Variants in INPP4B observed in about 807,000 individuals in gnomAD.
The protein encoded by INPP4B is inositol polyphosphate-4-phosphatase type II B.
In INPP4B, 55 loss-of-function variants were observed where a neutral mutation model predicts 122.5. The ratio of observed to expected loss-of-function variants is 0.45; its 90% CI spans 0.36 to 0.56. The LOEUF (loss-of-function observed/expected upper bound fraction) is 0.56. Ranked by LOEUF, INPP4B falls within the 20% of genes least tolerant of loss-of-function variation. The pLI, the probability that INPP4B is intolerant of heterozygous loss-of-function variation, is 0.00. For synonymous variants in INPP4B, 403 were observed against 388.7 expected, an observed-to-expected ratio of 1.04 and a Z score of -0.43; for missense variants, 1,000 against 1,097.7, an observed-to-expected ratio of 0.91 and a Z score of 1.26.
chr4:142,824,885 T>C (rs1156758164), intron 1 of INPP4B, among the ~76,000 whole-genome samples: 1 of 152,162 alleles, frequency 6.6e-6, no homozygotes, highest in African/African-American at 2.4e-5. Flanking sequence ...AATGGAAATA[T>C]TTGTCTTTGG....
At chr4:142,692,842 GT>G (rs1760383717) in intron 2 of INPP4B, among the ~76,000 whole-genome samples, 1 of 151,814 alleles carries the variant, frequency 6.6e-6, no homozygotes, top group African/African-American at 2.4e-5. Context: ...GTAATAAGAG[GT>G]TTGAGAGGAT....
chr4:142,248,626 C>CTG (rs1423224972), intron 11 of INPP4B, among the ~76,000 whole-genome samples: 3 of 118,516 alleles, frequency 2.5e-5, no homozygotes, highest in Non-Finnish European at 5.5e-5. Context: ...CTCTCACTCT[C>CTG]TGTATGTGTG....
At chr4:142,039,977 T>C (rs148031653) in intron 25 of INPP4B, among the ~76,000 whole-genome samples, 1 of 152,288 alleles carries the variant, frequency 6.6e-6, no homozygotes, top group East Asian at 1.9e-4. Context: ...AATAGCTGCC[T>C]GAACTAAATT....
intron 2 of INPP4B, among the ~76,000 whole-genome samples, chr4:142,557,304 A>G (rs1729426242): frequency 6.6e-6 from 1 of 152,228 alleles, no homozygotes; most frequent in Non-Finnish European, 1.5e-5. Context: ...ATAAGAGGAG[A>G]ACAAGAAGAG....
chr4:142,627,762 C>T (rs1746825390), intron 2 of INPP4B, among the ~76,000 whole-genome samples: 2 of 152,174 alleles, frequency 1.3e-5, no homozygotes, highest in South Asian at 4.2e-4. Context: ...ATGATGCTGG[C>T]CTCATAAAAT....
chr4:142,259,170 C>A (rs1278288329), intron 11 of INPP4B, among the ~76,000 whole-genome samples: 2 of 125,158 alleles, frequency 1.6e-5, no homozygotes, highest in Non-Finnish European at 3.1e-5. Flanking sequence ...CACATGGACA[C>A]AGGAAGGGGA....
At chr4:142,655,553 T>A (rs1039885153) in intron 2 of INPP4B, among the ~76,000 whole-genome samples, 6 of 152,168 alleles carry the variant, frequency 3.9e-5, no homozygotes, top group Non-Finnish European at 7.3e-5. Context: ...TATATTTTTT[T>A]AAAAACCCTG....
At chr4:142,243,134 A>AT (rs1447826383) in intron 11 of INPP4B, among the ~76,000 whole-genome samples, 7 of 152,236 alleles carry the variant, frequency 4.6e-5, no homozygotes, top group Non-Finnish European at 1.0e-4. Flanking sequence ...AGGGATCAGA[A>AT]TCAGGGAAAA....
chr4:142,400,063 T>A (rs1458523022), intron 7 of INPP4B, among the ~76,000 whole-genome samples: 1 of 152,212 alleles, frequency 6.6e-6, no homozygotes, highest in African/African-American at 2.4e-5. Flanking sequence ...CAAGAACAAC[T>A]AGTTAGTGAG....
At chr4:142,029,529 A>C in intron 25 of INPP4B, 1 of 985,680 alleles carries the variant, frequency 1.0e-6, no homozygotes, top group Non-Finnish European at 1.2e-6. Flanking sequence ...CTTGTTAAAA[A>C]GAATAGAAAA....
At chr4:142,728,195 A>T (rs1286742201) in intron 1 of INPP4B, among the ~76,000 whole-genome samples, 1 of 152,172 alleles carries the variant, frequency 6.6e-6, no homozygotes, top group Non-Finnish European at 1.5e-5. Flanking sequence ...ACAAAATATA[A>T]AGTGGCATTT....
At chr4:142,408,872 A>G (rs1804001377) in intron 5 of INPP4B, among the ~76,000 whole-genome samples, 1 of 152,186 alleles carries the variant, frequency 6.6e-6, no homozygotes, top group South Asian at 2.1e-4. Context: ...AAGAGTTTAA[A>G]TATGCAGGAT....
intron 2 of INPP4B, among the ~76,000 whole-genome samples, chr4:142,564,080 G>A (rs1180743088): frequency 6.6e-6 from 1 of 152,200 alleles, no homozygotes; most frequent in African/African-American, 2.4e-5. Flanking sequence ...ATAGTAGATA[G>A]AATCCATATA....
intron 16 of INPP4B, among the ~76,000 whole-genome samples, chr4:142,173,272 T>A (rs531968066): frequency 6.6e-6 from 1 of 151,932 alleles, no homozygotes; most frequent in South Asian, 2.1e-4. Context: ...AAGCTTTATA[T>A]GCATAAAAAT....
chr4:142,409,209 G>A (rs915967938), intron 5 of INPP4B, among the ~76,000 whole-genome samples: 2 of 152,010 alleles, frequency 1.3e-5, no homozygotes, highest in Non-Finnish European at 2.9e-5. Flanking sequence ...ATAAATGGAG[G>A]GGGCCACATG....
chr4:142,038,327 C>T (rs958547846), intron 25 of INPP4B, among the ~76,000 whole-genome samples: 6 of 152,132 alleles, frequency 3.9e-5, no homozygotes, highest in African/African-American at 1.2e-4. Context: ...TCTCTTCTAA[C>T]TGTATTTCAG....
At chr4:142,747,349 A>G (rs1301648074) in intron 1 of INPP4B, among the ~76,000 whole-genome samples, 4 of 152,170 alleles carry the variant, frequency 2.6e-5, no homozygotes, top group African/African-American at 9.7e-5. Flanking sequence ...TAGAATGGCG[A>G]TCATTAAAAA....
intron 2 of INPP4B, among the ~76,000 whole-genome samples, chr4:142,590,413 G>A (rs886080583): frequency 1.3e-5 from 2 of 152,204 alleles, no homozygotes; most frequent in African/African-American, 4.8e-5. Context: ...TAGTGATTAA[G>A]ACTGAAGACA....
chr4:142,248,673 T>C (rs1206032252), intron 11 of INPP4B, among the ~76,000 whole-genome samples: 1 of 151,882 alleles, frequency 6.6e-6, no homozygotes, highest in East Asian at 1.9e-4. Context: ...TGTGTGTATG[T>C]GTATGTGTTT....
Sources: gnomAD v4.1 joint callset for allele counts (sites outside exome capture counted in the v4.1 genomes callset) on GRCh38, gnomAD v4.1.1 for gene constraint, MANE v1.5 for transcripts, NCBI Gene and HGNC (gene_info 2026-07-23, HGNC 2026-07-21) for gene names.